PSMA6: variants seen among roughly 807,000 people sequenced by gnomAD.
PSMA6 encodes proteasome subunit alpha type-6.
For missense variants in PSMA6, 170 were observed against 294.8 expected (o/e 0.58, Z 3.10); for synonymous variants, 88 against 97.7 (o/e 0.90, Z 0.59).
At chr14:35,293,102 TA>T (rs200754020) in intron 1 of PSMA6, 12,722 of 430,748 alleles carry the variant, frequency 0.03, 309 homozygotes, top group South Asian at 0.059. Flanking sequence ...AACAAACGGA[TA>T]AAAAAAATTA....
At chr14:35,311,362 G>A (rs901636161) in intron 4 of PSMA6, among the ~76,000 whole-genome samples, 3 of 152,204 alleles carry the variant, frequency 2.0e-5, no homozygotes, top group South Asian at 4.1e-4. Context: ...AGAGGGATGA[G>A]ATTTACTGAT....
In PSMA6 at chr14:35,312,864, G is replaced by A. The variant is rs771628821; in HGVS notation, c.410-17G>A. 7 of 1,560,866 alleles carry A rather than the reference G, an allele frequency of 4.5e-6. No individual in the cohort carries two copies. Among genetic ancestry groups the A allele is most frequent in the Non-Finnish European group, 6.0e-6 (7 of 1,161,086 alleles). On this transcript the variant is annotated splice_polypyrimidine_tract_variant and intron_variant, in intron 4 of 6. Transcript: ENST00000261479. ...TATAAAGCTAAAACATTTAATTAGG[G>A]TCTTTTCTCTTTTTAGGTATGATTT... is the stretch of plus-strand genomic sequence containing the variant.
chr14:35,292,290 T>C (rs2051496078), upstream of PSMA6: 7 of 1,413,984 alleles, frequency 5.0e-6, no homozygotes, highest in South Asian at 4.6e-5. Context: ...CACCACCCCC[T>C]TAGGGGGCGG....
In PSMA6 at chr14:35,317,411, A is replaced by G. The variant is rs2052064608; in HGVS notation, c.*105A>G. 1.0e-6 allele frequency: 1 copy of G among 974,872 alleles called. No homozygotes were observed. Among genetic ancestry groups the G allele is most frequent in the African/African-American group, 1.6e-5 (1 of 61,604 alleles). 60.4% of individuals were successfully genotyped at this position (974,872 alleles called of 1,614,324 possible). A position where few individuals can be genotyped will look rare whatever the true frequency, so the allele number is the denominator to read the frequency against. ...CTGGATTGAAAAAGGAGCCTCTCCC[A>G]CTCCTCCTACCACCGAAGTGGTTAG... is the stretch of plus-strand genomic sequence containing the variant. On this transcript the variant is annotated 3_prime_UTR_variant, in exon 7 of 7. Transcript: ENST00000261479.
At chr14:35,290,405 C>G (rs570727943), upstream of PSMA6, among the ~76,000 whole-genome samples, 2 of 152,308 alleles carry the variant, frequency 1.3e-5, no homozygotes, top group East Asian at 3.9e-4. Context: ...CAAGGGAAAA[C>G]TTTTATCAGT....
chr14:35,297,474 C>T (rs1295231323), intron 1 of PSMA6, among the ~76,000 whole-genome samples: 1 of 152,120 alleles, frequency 6.6e-6, no homozygotes, highest in African/African-American at 2.4e-5. Flanking sequence ...CTCGGCCTCC[C>T]AAAGTGCTGG....
intron 1 of PSMA6, among the ~76,000 whole-genome samples, chr14:35,279,872 C>G (rs996683736): frequency 3.9e-5 from 6 of 152,332 alleles, no homozygotes; most frequent in African/African-American, 7.2e-5. Flanking sequence ...CGCCTGTAAT[C>G]CCAGCACTTT....
chr14:35,294,078 C>T (rs957015758), intron 1 of PSMA6, among the ~76,000 whole-genome samples: 1 of 152,232 alleles, frequency 6.6e-6, no homozygotes, highest in African/African-American at 2.4e-5. Context: ...GAGCTTCACT[C>T]TTGTTGCCTA....
At chr14:35,309,977 G>GA (rs1183716985) in intron 3 of PSMA6, among the ~76,000 whole-genome samples, 2 of 150,172 alleles carry the variant, frequency 1.3e-5, no homozygotes, top group Admixed American at 6.6e-5. Context: ...ATTTGAAGAA[G>GA]AAAAAAAAAT....
chr14:35,295,978 G>A (rs2051579313), intron 1 of PSMA6, among the ~76,000 whole-genome samples: 1 of 152,088 alleles, frequency 6.6e-6, no homozygotes, highest in African/African-American at 2.4e-5. Context: ...TTGCTGGATA[G>A]GTCTGGCAAA....
intron 1 of PSMA6, among the ~76,000 whole-genome samples, chr14:35,285,335 ATC>A (rs763012458): frequency 5.3e-5 from 5 of 94,940 alleles, no homozygotes; most frequent in Non-Finnish European, 9.8e-5. Flanking sequence ...GCAAAACTCT[ATC>A]TCAAAAAAAA....
At chr14:35,283,960 T>C (rs2051395500) in intron 1 of PSMA6, among the ~76,000 whole-genome samples, 1 of 152,164 alleles carries the variant, frequency 6.6e-6, no homozygotes, top group Non-Finnish European at 1.5e-5. Flanking sequence ...ACTTGGTCTA[T>C]TATCAATAGC....
chr14:35,297,067 C>A (rs530471340), intron 1 of PSMA6, among the ~76,000 whole-genome samples: 1 of 146,808 alleles, frequency 6.8e-6, no homozygotes, highest in African/African-American at 2.5e-5. Flanking sequence ...AATTATGTAG[C>A]CTACAAGTTT....
intron 6 of PSMA6, 168 bp downstream of exon 6, chr14:35,314,623 TC>T (rs1428286578): frequency 2.4e-6 from 2 of 840,790 alleles, no homozygotes; most frequent in Non-Finnish European, 3.3e-6. Flanking sequence ...AACTTTGGAC[TC>T]TATTTAAGAG....
chr14:35,314,468 G>A lies in PSMA6; in HGVS notation c.683+13G>A, dbSNP rs1345499973. 1.2e-6 allele frequency: 2 copies of A among 1,606,654 alleles called. No homozygotes were observed. Among genetic ancestry groups the A allele is most frequent in the African/African-American group, 1.3e-5 (1 of 74,808 alleles). ...ATCCTAAATTCAGGTGAGTGATATT[G>A]TGGGCCACATGCAGACTAGAAAGGT... On this transcript the variant is annotated intron_variant, in intron 6 of 6. Coordinates refer to ENST00000261479, the MANE Select transcript of PSMA6 (RefSeq NM_002791.3).
chr14:35,314,253 T>A, intron 5 of PSMA6, 108 bp from the exon 6 acceptor site: 1 of 1,263,890 alleles, frequency 7.9e-7, no homozygotes, highest in Non-Finnish European at 1.0e-6. Flanking sequence ...AACTACCTCA[T>A]TGAAACATGG....
intron 1 of PSMA6, among the ~76,000 whole-genome samples, chr14:35,303,638 G>C (rs183364604): frequency 1.9e-4 from 29 of 152,272 alleles, no homozygotes; most frequent in Admixed American, 1.8e-3. Context: ...GGGCTGATCT[G>C]ATAGAAGCTT....
In PSMA6 at chr14:35,313,238, A is replaced by T. The variant is rs1037825660; in HGVS notation, c.588+179A>T. The T allele has an allele frequency of 5.5e-6, 3 of 549,476 alleles. No homozygotes were observed. The African/African-American group carries it at 6.0e-5, about 11-fold the overall frequency. The allele number at this position is 549,476 out of a possible 1,614,324, so 34.0% of individuals were successfully genotyped here. ...AATTTGAGTTGCTTTTATTCACTTAATTCCTTATTTCGTAATGTATTTGAG... is the reference window on the plus strand; with the variant it reads ...AATTTGAGTTGCTTTTATTCACTTATTTCCTTATTTCGTAATGTATTTGAG... On this transcript the variant is annotated intron_variant, in intron 5 of 6. Coordinates refer to ENST00000261479, the MANE Select transcript of PSMA6 (RefSeq NM_002791.3).
At chr14:35,292,230 A>T, upstream of PSMA6, 1 of 1,145,142 alleles carries the variant, frequency 8.7e-7, no homozygotes, top group Non-Finnish European at 1.1e-6. Context: ...TCCACTCAAG[A>T]GGCCTGCTTG....
Sources: gnomAD v4.1 joint callset for allele counts (sites outside exome capture counted in the v4.1 genomes callset) on GRCh38, gnomAD v4.1.1 for gene constraint, MANE v1.5 for transcripts, NCBI Gene and HGNC (gene_info 2026-07-23, HGNC 2026-07-21) for gene names.